The following PCDHA4 variants were observed in gnomAD, a reference collection of about 807,000 sequenced individuals.
PCDHA4 encodes the protein protocadherin alpha 4.
A neutral mutation model predicts 61.4 loss-of-function variants in PCDHA4; 49 were observed. The ratio of observed to expected loss-of-function variants is 0.80; its 90% CI spans 0.63 to 1.01. PCDHA4 has a LOEUF of 1.01. PCDHA4 is among the 50% of genes least tolerant of loss of function. The pLI is 0.00. For missense variants in PCDHA4, 1,254 were observed against 1,235.8 expected, an observed-to-expected ratio of 1.01 and a Z score of -0.22; for synonymous variants, 590 against 550.3, an observed-to-expected ratio of 1.07 and a Z score of -1.01.
intron 1 of PCDHA4, chr5:140,884,124 G>T: frequency 6.2e-7 from 1 of 1,613,344 alleles, no homozygotes; most frequent in South Asian, 1.1e-5. Flanking sequence ...GTCGGCGCGC[G>T]CATCCCGTTC....
At chr5:141,009,107 G>A (rs1329490009) in intron 3 of PCDHA4, among the ~76,000 whole-genome samples, 6 of 152,180 alleles carry the variant, frequency 3.9e-5, no homozygotes, top group African/African-American at 1.4e-4. Flanking sequence ...ATGTTACTAT[G>A]AAACTAGATT....
chr5:140,877,647 G>A, intron 1 of PCDHA4: 2 of 1,613,510 alleles, frequency 1.2e-6, no homozygotes, highest in South Asian at 1.1e-5. Flanking sequence ...GTTGCTCAGC[G>A]CCGCCCACCG....
chr5:140,831,244 C>G (rs1554133154), intron 1 of PCDHA4: 1 of 152,156 alleles, frequency 6.6e-6, no homozygotes, highest in African/African-American at 2.4e-5. Flanking sequence ...CATTGCGGCT[C>G]TCTTATTTCT....
chr5:140,830,142 T>A, intron 1 of PCDHA4: 7 of 1,613,256 alleles, frequency 4.3e-6, no homozygotes, highest in Non-Finnish European at 5.9e-6. Context: ...CGGGCGTCGG[T>A]GGGCGCCGCG....
intron 1 of PCDHA4, chr5:140,842,493 C>A: frequency 6.2e-7 from 1 of 1,613,856 alleles, no homozygotes; most frequent in Non-Finnish European, 8.5e-7. Context: ...TCCCTGATGC[C>A]CCATGTCCCC....
chr5:140,861,433 C>T (rs1177274871), intron 1 of PCDHA4: 1 of 489,666 alleles, frequency 2.0e-6, no homozygotes, highest in Non-Finnish European at 4.2e-6. Context: ...CAGTTGGATT[C>T]CAAAAGCCGC....
In PCDHA4 at chr5:140,978,000, T is replaced by G. The variant is rs564788160; in HGVS notation, c.2386-949T>G. 2.0e-5 allele frequency among the ~76,000 whole-genome samples: 3 copies of G among 152,212 alleles called. No homozygotes were observed. In the South Asian group the frequency reaches 6.2e-4, roughly 32 times the overall value. On this transcript the variant is annotated intron_variant, in intron 1 of 3. Coordinates refer to ENST00000530339, the MANE Select transcript of PCDHA4 (RefSeq NM_018907.4). ...AACGCATCTAGAGGAGTGTCACAAG[T>G]TTTTCACAGTGACATTTTTGCTTAC...
chr5:140,883,643 G>A (rs1182808577), intron 1 of PCDHA4: 2 of 1,613,822 alleles, frequency 1.2e-6, no homozygotes, highest in Non-Finnish European at 1.7e-6. Context: ...CGCGCAGCCC[G>A]AGTACACGGT....
intron 1 of PCDHA4, chr5:140,870,624 G>T (rs1554164487): frequency 1.2e-6 from 2 of 1,613,112 alleles, no homozygotes; most frequent in South Asian, 2.2e-5. Flanking sequence ...CGAGCTACGT[G>T]TCGGTGCACG....
rs567902726 is a variant in PCDHA4 at position 140,936,017 on chromosome 5, C to T, written c.2386-42932C>T. Among the ~76,000 whole-genome samples, 12 of 151,854 alleles carry T rather than the reference C, an allele frequency of 7.9e-5. No individual in the cohort carries two copies. The South Asian group carries it at 1.7e-3, about 21-fold the overall frequency. ...AAGCGATTCTCCCACCTCAGCCTCCCGAGTAGCGGGGATTACAGGCACCCA... is the reference window on the plus strand; with the variant it reads ...AAGCGATTCTCCCACCTCAGCCTCCTGAGTAGCGGGGATTACAGGCACCCA... On this transcript the variant is annotated intron_variant, in intron 1 of 3. Coordinates refer to ENST00000530339, the MANE Select transcript of PCDHA4 (RefSeq NM_018907.4).
chr5:140,830,745 T>G (rs1375923138), intron 1 of PCDHA4: 1 of 192,554 alleles, frequency 5.2e-6, no homozygotes, highest in Non-Finnish European at 1.1e-5. Context: ...TGTCGTTTTC[T>G]GTTGCATTTT....
At chr5:140,994,451 C>T (rs782287082) in intron 3 of PCDHA4, among the ~76,000 whole-genome samples, 14 of 152,116 alleles carry the variant, frequency 9.2e-5, no homozygotes, top group Non-Finnish European at 1.6e-4. Flanking sequence ...ACCTGTGATC[C>T]CAGCACTTTG....
intron 2 of PCDHA4, among the ~76,000 whole-genome samples, chr5:140,979,726 G>A (rs2096861839): frequency 1.3e-5 from 2 of 152,072 alleles, no homozygotes; most frequent in African/African-American, 4.8e-5. Context: ...CATGCCATGG[G>A]GCCAAATAAA....
At chr5:140,932,946 G>A (rs1554209125) in intron 1 of PCDHA4, among the ~76,000 whole-genome samples, 1 of 151,982 alleles carries the variant, frequency 6.6e-6, no homozygotes, top group East Asian at 1.9e-4. Flanking sequence ...TGGAATGAAG[G>A]TGGACTAAAT....
chr5:140,836,613 G>T (rs2150265622), intron 1 of PCDHA4: 1 of 1,613,634 alleles, frequency 6.2e-7, no homozygotes, highest in Non-Finnish European at 8.5e-7. Flanking sequence ...GTGCTCCAGC[G>T]CGGTGGGGAG....
intron 1 of PCDHA4, chr5:140,843,594 T>G: frequency 6.3e-7 from 1 of 1,595,928 alleles, no homozygotes; most frequent in Middle Eastern, 1.7e-4. Context: ...CCGCAGAGGG[T>G]GTGCTCTGGT....
intron 1 of PCDHA4, chr5:140,870,088 A>G: frequency 1.9e-6 from 3 of 1,613,934 alleles, no homozygotes; most frequent in Non-Finnish European, 2.5e-6. Flanking sequence ...GACTCCCCCA[A>G]TGGCAGGTCA....
rs1554124409 is a variant in PCDHA4, at chr5:140,808,066, T to A, written c.879T>A (p.Phe293Leu). Residue 293 changes from phenylalanine to leucine, a missense_variant, in exon 1 of 4, where the codon TTT (phenylalanine) becomes TTA (leucine). Coordinates refer to ENST00000530339, the MANE Select transcript of PCDHA4 (RefSeq NM_018907.4). ...TTTCGCCAAATGTGAAATCCAAGTT[T>A]CACATAGATCCAATTACTGGACAAA... ...NDISPNVKSK[F>L]HIDPITGQII... 1 of 1,614,064 alleles carries A rather than the reference T, an allele frequency of 6.2e-7. No individual in the cohort carries two copies.
At chr5:140,936,681 T>G (rs781812048) in intron 1 of PCDHA4, among the ~76,000 whole-genome samples, 3 of 152,246 alleles carry the variant, frequency 2.0e-5, no homozygotes, top group African/African-American at 2.4e-5. Flanking sequence ...CTATTCTGTT[T>G]CATTGGTCAA....
Sources: gnomAD v4.1 joint callset for allele counts (sites outside exome capture counted in the v4.1 genomes callset) on GRCh38, gnomAD v4.1.1 for gene constraint, MANE v1.5 for transcripts, NCBI Gene and HGNC (gene_info 2026-07-23, HGNC 2026-07-21) for gene names.